Variants in PRKCA observed in about 807,000 individuals in gnomAD.
PRKCA encodes the protein protein kinase C alpha, also known as protein kinase C alpha type.
PRKCA carries 27 observed loss-of-function variants against 87.0 expected under a neutral mutation model. That is an observed-to-expected ratio of 0.31 (90% CI 0.23 to 0.43). PRKCA has a LOEUF of 0.43. PRKCA is among the 20% of genes least tolerant of loss of function. The probability of loss-of-function intolerance (pLI) is 1.00; values close to 1 mark genes in which losing one functional copy is unlikely to be tolerated. For missense variants in PRKCA, 518 were observed against 852.3 expected (o/e 0.61, Z 4.88); for synonymous variants, 329 against 311.1 (o/e 1.06, Z -0.61).
chr17:66,522,478 G>A (rs1203948866), intron 3 of PRKCA, among the ~76,000 whole-genome samples: 1 of 152,166 alleles, frequency 6.6e-6, no homozygotes, highest in Non-Finnish European at 1.5e-5. Flanking sequence ...AGCACCTTGA[G>A]CGAAGTGAAA....
At chr17:66,387,388 G>T (rs544499374) in intron 2 of PRKCA, among the ~76,000 whole-genome samples, 2 of 152,312 alleles carry the variant, frequency 1.3e-5, no homozygotes, top group African/African-American at 4.8e-5. Context: ...GGAAAACTAG[G>T]AGAGAGAGAA....
intron 16 of PRKCA, among the ~76,000 whole-genome samples, chr17:66,795,252 C>A (rs1975639835): frequency 6.6e-6 from 1 of 152,182 alleles, no homozygotes; most frequent in Non-Finnish European, 1.5e-5. Context: ...GGCTGTGTCA[C>A]AGATCAGATA....
chr17:66,715,959 T>C (rs527438999), intron 8 of PRKCA, among the ~76,000 whole-genome samples: 3 of 152,274 alleles, frequency 2.0e-5, no homozygotes, highest in Admixed American at 1.3e-4. Flanking sequence ...CAAACAGCAA[T>C]CAACTGTTGC....
chr17:66,343,489 A>G (rs1567781190), intron 2 of PRKCA, among the ~76,000 whole-genome samples: 3 of 152,108 alleles, frequency 2.0e-5, no homozygotes, highest in Admixed American at 6.6e-5. Flanking sequence ...AGTATGGGGT[A>G]GGGGAAGCTG....
In PRKCA at chr17:66,378,178, C is replaced by T. The variant is rs570180731; in HGVS notation, c.205+72051C>T. Among the ~76,000 whole-genome samples, 193 of 152,190 alleles carry T rather than the reference C, an allele frequency of 1.3e-3. 1 individual carries two copies. Among genetic ancestry groups the T allele is most frequent in the African/African-American group, 4.2e-3 (175 of 41,538 alleles). ...TCTCTACTAAAAATACAAAAATTAG[C>T]TGGCTGTGGTGGCGTGTGCCTGTAG... is the stretch of plus-strand genomic sequence containing the variant. On this transcript the variant is annotated intron_variant, in intron 2 of 16. Coordinates refer to ENST00000413366, the MANE Select transcript of PRKCA (RefSeq NM_002737.3).
intron 8 of PRKCA, among the ~76,000 whole-genome samples, chr17:66,728,963 G>C (rs560727566): frequency 1.3e-5 from 2 of 152,350 alleles, no homozygotes; most frequent in African/African-American, 4.8e-5. Context: ...TTGTGTTTGG[G>C]TGTTTTCAGA....
chr17:66,680,468 G>A (rs974110298), intron 5 of PRKCA, among the ~76,000 whole-genome samples: 2 of 152,086 alleles, frequency 1.3e-5, no homozygotes, highest in African/African-American at 2.4e-5. Flanking sequence ...GAGGGGGGGA[G>A]AAAAAGTAAT....
intron 8 of PRKCA, among the ~76,000 whole-genome samples, chr17:66,714,541 C>T (rs559015698): frequency 6.6e-6 from 1 of 152,238 alleles, no homozygotes; most frequent in Admixed American, 6.5e-5. Context: ...TCTCTTCCCC[C>T]TTCCTGGAAT....
Position 66,786,932 on chromosome 17 carries a change from T to C in PRKCA, c.1671T>C (p.Tyr557=), listed in dbSNP as rs758561582. Residue 557 remains tyrosine, a synonymous_variant, in exon 15 of 17, where the codon TAT becomes TAC. Coordinates refer to ENST00000413366, the MANE Select transcript of PRKCA (RefSeq NM_002737.3). ...CTATCATGGAGCACAACGTTTCCTA[T>C]CCAAAATCCTTGTCCAAGGAGGCTG... ...FQSIMEHNVS[Y]PKSLSKEAVS... The C allele has an allele frequency of 8.1e-5, 130 of 1,614,018 alleles. No individual in the cohort carries two copies. The highest frequency in any genetic ancestry group is 1.1e-4 in the Non-Finnish European group (124 of 1,179,972).
chr17:66,323,424 T>C (rs545794860), intron 2 of PRKCA, among the ~76,000 whole-genome samples: 56 of 152,348 alleles, frequency 3.7e-4, no homozygotes, highest in African/African-American at 1.3e-3. Context: ...GTGTCCAAAA[T>C]TGAGAGCAGT....
chr17:66,362,102 C>G (rs1908422768), intron 2 of PRKCA, among the ~76,000 whole-genome samples: 1 of 152,178 alleles, frequency 6.6e-6, no homozygotes, highest in Non-Finnish European at 1.5e-5. Context: ...GTGGCACCAT[C>G]TTGTCTCACT....
intron 3 of PRKCA, among the ~76,000 whole-genome samples, chr17:66,578,913 G>T (rs1050859377): frequency 2.0e-5 from 3 of 152,212 alleles, no homozygotes; most frequent in Non-Finnish European, 4.4e-5. Context: ...CGCGCAGCTC[G>T]CCAGGCAGGC....
In PRKCA at chr17:66,320,600, A is replaced by T. The variant is rs79148352; in HGVS notation, c.205+14473A>T. ...GAACTCGTATTAAAGAATATTAAAA[A>T]TGCTTCAGACTTTTGATTTGTATTG... On this transcript the variant is annotated intron_variant, in intron 2 of 16. Coordinates refer to ENST00000413366, the MANE Select transcript of PRKCA (RefSeq NM_002737.3). 1.2e-4 allele frequency among the ~76,000 whole-genome samples: 18 copies of T among 152,352 alleles called. 2 individuals carry two copies. In the East Asian group the frequency reaches 3.3e-3, roughly 28 times the overall value.
intron 3 of PRKCA, among the ~76,000 whole-genome samples, chr17:66,570,540 G>A (rs1039966875): frequency 1.3e-5 from 2 of 152,138 alleles, no homozygotes; most frequent in Non-Finnish European, 1.5e-5. Context: ...TGATGCCTGC[G>A]AGGCATGGGT....
chr17:66,718,334 A>G (rs1159268933), intron 8 of PRKCA, among the ~76,000 whole-genome samples: 1 of 152,126 alleles, frequency 6.6e-6, no homozygotes, highest in African/African-American at 2.4e-5. Context: ...TTATTTAGAG[A>G]CAGGGTCTCA....
chr17:66,546,263 G>C (rs1425611997), intron 3 of PRKCA, among the ~76,000 whole-genome samples: 5 of 152,154 alleles, frequency 3.3e-5, no homozygotes, highest in Admixed American at 2.6e-4. Flanking sequence ...GTTGGGATGA[G>C]TATTTTTAAT....
intron 11 of PRKCA, among the ~76,000 whole-genome samples, chr17:66,739,057 T>TG (rs1283182233): frequency 6.6e-6 from 1 of 151,986 alleles, no homozygotes; most frequent in Non-Finnish European, 1.5e-5. Flanking sequence ...TAATTTTCTG[T>TG]TTTTGGTAGA....
intron 2 of PRKCA, among the ~76,000 whole-genome samples, chr17:66,404,906 C>T (rs569562514): frequency 3.3e-5 from 5 of 151,832 alleles, no homozygotes; most frequent in Non-Finnish European, 7.4e-5. Flanking sequence ...CACGCCACCA[C>T]GCCCGGCTAA....
intron 7 of PRKCA, 22 bp downstream of exon 7, chr17:66,688,458 A>ATG: frequency 6.2e-7 from 1 of 1,613,882 alleles, no homozygotes; most frequent in South Asian, 1.1e-5. Context: ...GCTTAGGTTG[A>ATG]GTATGTCTCA....
Sources: gnomAD v4.1 joint callset for allele counts (sites outside exome capture counted in the v4.1 genomes callset) on GRCh38, gnomAD v4.1.1 for gene constraint, MANE v1.5 for transcripts, NCBI Gene and HGNC (gene_info 2026-07-23, HGNC 2026-07-21) for gene names.